The following ATXN2 variants were observed in gnomAD, a reference collection of about 807,000 sequenced individuals.
ATXN2 encodes the protein ataxin 2.
Under a neutral mutation model 138.6 loss-of-function variants are expected in ATXN2, and 37 were observed. The ratio of observed to expected loss-of-function variants is 0.27; its 90% confidence interval spans 0.21 to 0.35. ATXN2 has a LOEUF of 0.35. Ranked by LOEUF, ATXN2 falls within the 10% of genes least tolerant of loss-of-function variation. The pLI is 1.00. For synonymous variants in ATXN2, 549 were observed against 543.7 expected, an observed-to-expected ratio of 1.01 and a Z score of -0.13; for missense variants, 1,216 against 1,480.3, an observed-to-expected ratio of 0.82 and a Z score of 2.93.
intron 13 of ATXN2, 56 bp downstream of exon 13, chr12:111,509,835 T>TA (rs1245762291): frequency 9.9e-6 from 13 of 1,319,524 alleles, no homozygotes; most frequent in Non-Finnish European, 1.4e-5. Context: ...GGCATGAAAT[T>TA]AGACATACTT....
intron 1 of ATXN2, among the ~76,000 whole-genome samples, chr12:111,586,664 G>A (rs1884357854): frequency 6.6e-6 from 1 of 151,934 alleles, no homozygotes; most frequent in African/African-American, 2.4e-5. Context: ...GGGATTACAG[G>A]GGTGAGCCAC....
chr12:111,563,213 T>C (rs13377932), intron 1 of ATXN2, among the ~76,000 whole-genome samples: 15,299 of 152,084 alleles, frequency 0.1, 2,571 homozygotes, highest in African/African-American at 0.35. Context: ...AGACCAAAGA[T>C]ACATGATAAC....
At chr12:111,571,673 C>T (rs1489238647) in intron 1 of ATXN2, among the ~76,000 whole-genome samples, 1 of 151,996 alleles carries the variant, frequency 6.6e-6, no homozygotes, top group Non-Finnish European at 1.5e-5. Flanking sequence ...TCAGCAAATG[C>T]CCATGGCCTA....
chr12:111,576,961 AAAATAAAT>A (rs1044773180), intron 1 of ATXN2, among the ~76,000 whole-genome samples: 1 of 151,566 alleles, frequency 6.6e-6, no homozygotes, highest in Non-Finnish European at 1.5e-5. Flanking sequence ...CCGTCTCCAA[AAAATAAAT>A]AAATAAATAA....
intron 20 of ATXN2, among the ~76,000 whole-genome samples, chr12:111,465,633 G>A (rs1038992092): frequency 6.6e-5 from 10 of 151,798 alleles, no homozygotes; most frequent in African/African-American, 1.9e-4. Context: ...GGCCGGTCGT[G>A]GTGGCGCACA....
intron 15 of ATXN2, among the ~76,000 whole-genome samples, chr12:111,487,596 G>A (rs1024637526): frequency 7.9e-5 from 12 of 151,964 alleles, no homozygotes; most frequent in African/African-American, 2.7e-4. Context: ...GAGTAGCTGG[G>A]ATACAGGCAC....
At chr12:111,597,588 T>C (rs1885001229) in intron 1 of ATXN2, among the ~76,000 whole-genome samples, 1 of 152,178 alleles carries the variant, frequency 6.6e-6, no homozygotes, top group African/African-American at 2.4e-5. Context: ...AGCATTTTCT[T>C]AGTTCGTGAA....
intron 5 of ATXN2, among the ~76,000 whole-genome samples, chr12:111,528,835 G>A (rs576331663): frequency 1.3e-5 from 2 of 152,140 alleles, no homozygotes; most frequent in Non-Finnish European, 2.9e-5. Context: ...GGCCAACATT[G>A]CATCATTAGC....
rs1330032674 is a variant in ATXN2 at position 111,453,988 on chromosome 12, C to G, written c.3271-143G>C. On this transcript the variant is annotated intron_variant, in intron 23 of 24. Transcript: ENST00000673436. The surrounding 1 kb of genome is among the most constrained non-coding windows in gnomAD (Gnocchi z 5.4). ...CCCAGTTCTGTTCTCTGGGGACAATCTCTAGTAGATTATCTATTGACCTGA... is the reference window on the plus strand; with the variant it reads ...CCCAGTTCTGTTCTCTGGGGACAATGTCTAGTAGATTATCTATTGACCTGA... 1.3e-6 allele frequency: 1 copy of G among 777,048 alleles called. No individual in the cohort carries two copies. Among genetic ancestry groups the G allele is most frequent in the Non-Finnish European group, 2.0e-6 (1 of 498,746 alleles). The allele number at this position is 777,048 out of a possible 1,614,324, so 48.1% of individuals were successfully genotyped here.
intron 18 of ATXN2, among the ~76,000 whole-genome samples, chr12:111,472,892 G>A (rs950266443): frequency 6.6e-6 from 1 of 152,102 alleles, no homozygotes; most frequent in African/African-American, 2.4e-5. Context: ...ACTTTAATAT[G>A]CTATTGAAGG....
chr12:111,472,101 C>T (rs910808264), intron 18 of ATXN2, among the ~76,000 whole-genome samples: 11 of 152,114 alleles, frequency 7.2e-5, no homozygotes, highest in African/African-American at 2.4e-4. Context: ...ACTGCCTCCA[C>T]AAAAAATACA....
chr12:111,462,460 C>G (rs1408508341), intron 21 of ATXN2, among the ~76,000 whole-genome samples: 1 of 152,086 alleles, frequency 6.6e-6, no homozygotes, highest in African/African-American at 2.4e-5. Context: ...ACTTATAAAA[C>G]AAAACAAAAT....
chr12:111,566,621 T>G (rs1462694135), intron 1 of ATXN2, among the ~76,000 whole-genome samples: 2 of 151,536 alleles, frequency 1.3e-5, no homozygotes, highest in Non-Finnish European at 2.9e-5. Context: ...ACAGGAGTTT[T>G]AGAGGAAATT....
intron 8 of ATXN2, among the ~76,000 whole-genome samples, chr12:111,519,053 C>A: frequency 6.6e-6 from 1 of 152,192 alleles, no homozygotes; most frequent in East Asian, 1.9e-4. Context: ...CTCAAACTTG[C>A]TCCATGTTTC....
Position 111,453,077 on chromosome 12 carries a change from G to T in ATXN2, c.3440-237C>A. 7.8e-7 allele frequency: 1 copy of T among 1,284,078 alleles called. No homozygotes were observed. Among genetic ancestry groups the T allele is most frequent in the Non-Finnish European group, 9.8e-7 (1 of 1,017,522 alleles). The allele number at this position is 1,284,078 out of a possible 1,614,324, so 79.5% of individuals were successfully genotyped here. A position where few individuals can be genotyped will look rare whatever the true frequency, so the allele number is the denominator to read the frequency against. On this transcript the variant is annotated intron_variant, in intron 24 of 24. Coordinates refer to ENST00000673436, the MANE Select transcript of ATXN2 (RefSeq NM_001372574.1). This position sits in a 1 kb window ranked among gnomAD's most constrained non-coding sequence, Gnocchi z 5.4. ...AAAACTCCCAGAAGACTTGTTCATG[G>T]GGTAGAAAAAAAGGCCTTAACAAAC...
chr12:111,502,970 T>C lies in ATXN2; in HGVS notation c.1935+6579A>G, dbSNP rs139174967. 1.0e-3 allele frequency among the ~76,000 whole-genome samples: 156 copies of C among 152,308 alleles called. 1 individual carries two copies. The East Asian group carries it at 0.012, about 11-fold the overall frequency. Reference sequence around the variant, plus strand: ...TTTGGCTTGGGGGAAGTAGATAGCATGCCACAATGTTACGCACATGATGTA... The same window carrying C: ...TTTGGCTTGGGGGAAGTAGATAGCACGCCACAATGTTACGCACATGATGTA... On this transcript the variant is annotated intron_variant, in intron 14 of 24. Transcript: ENST00000673436.
chr12:111,530,833 A>C (rs925677448), intron 5 of ATXN2, among the ~76,000 whole-genome samples: 4 of 151,768 alleles, frequency 2.6e-5, no homozygotes, highest in African/African-American at 9.7e-5. Context: ...AAAAACAAAA[A>C]AATGTGTATA....
chr12:111,548,582 T>C (rs566813304), intron 5 of ATXN2, among the ~76,000 whole-genome samples: 2 of 152,346 alleles, frequency 1.3e-5, no homozygotes, highest in South Asian at 4.1e-4. Context: ...TACAATGTCA[T>C]ATTAGTATAC....
At chr12:111,522,060 A>C (rs1880185631) in intron 6 of ATXN2, among the ~76,000 whole-genome samples, 1 of 152,170 alleles carries the variant, frequency 6.6e-6, no homozygotes, top group African/African-American at 2.4e-5. Flanking sequence ...CTCAATGCTA[A>C]GGCTTGCCTC....
Sources: allele counts gnomAD v4.1 joint callset (sites outside exome capture counted in the v4.1 genomes callset), GRCh38; gene constraint gnomAD v4.1.1; non-coding constraint Gnocchi (gnomAD v3.1); transcripts MANE v1.5; gene names NCBI Gene and HGNC (gene_info 2026-07-23, HGNC 2026-07-21).